The following RBL1 variants were observed in gnomAD, a reference collection of about 807,000 sequenced individuals.
RBL1 encodes retinoblastoma-like protein 1.
RBL1 carries 82 observed loss-of-function variants against 123.0 expected under a neutral mutation model. The ratio of observed to expected loss-of-function variants is 0.67; its 90% CI spans 0.56 to 0.80. The LOEUF (loss-of-function observed/expected upper bound fraction) is 0.80. RBL1 is among the 30% of genes least tolerant of loss of function. RBL1 has a pLI of 0.00. For synonymous variants in RBL1, 405 were observed against 441.3 expected, an observed-to-expected ratio of 0.92 and a Z score of 1.03; for missense variants, 1,171 against 1,299.6, an observed-to-expected ratio of 0.90 and a Z score of 1.52.
At position 37,026,353 on chromosome 20, in the gene RBL1, A is replaced by G. The variant is rs533053162; in HGVS notation, c.2383-3527T>C. On this transcript the variant is annotated intron_variant, in intron 16 of 21. Coordinates refer to ENST00000373664, the MANE Select transcript of RBL1 (RefSeq NM_002895.5). ...AAGTGACAAAAGAATGGAGAAAAAC[A>G]TGATTGAGGAAGAGTATAAATTAAA... Among the ~76,000 whole-genome samples, 9 of 152,318 alleles carry G rather than the reference A, an allele frequency of 5.9e-5. No individual in the cohort carries two copies. The South Asian group carries it at 1.9e-3, about 32-fold the overall frequency.
chr20:37,007,715 C>A (rs1381706441), intron 19 of RBL1, among the ~76,000 whole-genome samples, 156 bp from the exon 20 acceptor site: 1 of 152,168 alleles, frequency 6.6e-6, no homozygotes, highest in African/African-American at 2.4e-5. Context: ...ATCTCAGCCT[C>A]CTGAGTAGCT....
chr20:37,036,929 A>G (rs2064624136), intron 14 of RBL1, among the ~76,000 whole-genome samples: 2 of 152,218 alleles, frequency 1.3e-5, no homozygotes, highest in Admixed American at 6.5e-5. Flanking sequence ...CTGGCCCTGT[A>G]ATCTATTTTC....
chr20:37,032,622 A>T (rs749645801), intron 16 of RBL1, 43 bp downstream of exon 16: 7 of 1,603,594 alleles, frequency 4.4e-6, no homozygotes, highest in Admixed American at 1.7e-5. Context: ...TCTTTCTTCC[A>T]TTGATTAAAC....
Position 37,095,746 on chromosome 20 carries a change from C to G in RBL1, c.156+27G>C, listed in dbSNP as rs753039247. On this transcript the variant is annotated intron_variant, in intron 1 of 21. Transcript: ENST00000373664. ...GGGTGGGGCCTGGCGAGGGTAGGGT[C>G]CGGCCGCCCCACCTGCTGCCGCTCA... 5 of 1,557,960 alleles carry G rather than the reference C, an allele frequency of 3.2e-6. No individual in the cohort carries two copies. In the East Asian group the frequency reaches 1.2e-4, roughly 36 times the overall value.
At chr20:37,019,618 C>T (rs941649351) in intron 18 of RBL1, among the ~76,000 whole-genome samples, 15 of 152,126 alleles carry the variant, frequency 9.9e-5, no homozygotes, top group South Asian at 2.1e-4. Context: ...ACAAAGCTCT[C>T]TTAGAAGGGG....
intron 21 of RBL1, among the ~76,000 whole-genome samples, chr20:37,000,956 C>T (rs2063966588): frequency 6.9e-6 from 1 of 144,136 alleles, no homozygotes; most frequent in South Asian, 2.2e-4. Context: ...GGCGCCTCTG[C>T]CCGGCCGCCC....
intron 7 of RBL1, among the ~76,000 whole-genome samples, chr20:37,064,921 C>T (rs572419597): frequency 1.1e-4 from 16 of 151,526 alleles, no homozygotes; most frequent in Admixed American, 3.3e-4. Flanking sequence ...CCACCATGCC[C>T]GGCCTCTTTC....
intron 11 of RBL1, among the ~76,000 whole-genome samples, chr20:37,054,440 C>T (rs183872193): frequency 2.2e-3 from 333 of 151,238 alleles, no homozygotes; most frequent in African/African-American, 7.6e-3. Context: ...GCCAAGATCG[C>T]GCCACTGCAC....
chr20:37,093,697 A>G (rs1416424361), intron 1 of RBL1, among the ~76,000 whole-genome samples: 1 of 148,498 alleles, frequency 6.7e-6, no homozygotes, highest in Non-Finnish European at 1.5e-5. Flanking sequence ...GGTGGAGTGC[A>G]ATGGCGTGAT....
At chr20:37,004,733 A>AG in intron 20 of RBL1, among the ~76,000 whole-genome samples, 1 of 148,158 alleles carries the variant, frequency 6.7e-6, no homozygotes, top group East Asian at 2.0e-4. Flanking sequence ...AAAAAAAAAA[A>AG]AAAGAATTCT....
intron 21 of RBL1, among the ~76,000 whole-genome samples, chr20:37,000,251 C>G (rs1320874786): frequency 6.7e-6 from 1 of 149,376 alleles, no homozygotes; most frequent in Non-Finnish European, 1.5e-5. Context: ...AGCCCCTCCG[C>G]CCGGCAGCCA....
At chr20:37,005,890 C>CTTTTTTTTTTTTTT (rs1568814331) in intron 20 of RBL1, among the ~76,000 whole-genome samples, 2 of 102,264 alleles carry the variant, frequency 2.0e-5, no homozygotes, top group Admixed American at 1.0e-4. Flanking sequence ...TTTTTTTTTT[C>CTTTTTTTTTTTTTT]TTTCTTTTTT....
intron 21 of RBL1, among the ~76,000 whole-genome samples, chr20:37,000,886 A>C (rs1406392763): frequency 2.6e-5 from 3 of 115,526 alleles, no homozygotes; most frequent in African/African-American, 6.6e-5. Flanking sequence ...CGCCCCGTCC[A>C]GGAGGGAGGT....
At chr20:37,024,529 T>C (rs973359128) in intron 16 of RBL1, among the ~76,000 whole-genome samples, 12 of 152,210 alleles carry the variant, frequency 7.9e-5, no homozygotes, top group African/African-American at 2.9e-4. Flanking sequence ...TATTTAGGCA[T>C]AGAACACCAG....
At chr20:37,085,000 A>G (rs1428110215) in intron 2 of RBL1, among the ~76,000 whole-genome samples, 1 of 152,154 alleles carries the variant, frequency 6.6e-6, no homozygotes, top group African/African-American at 2.4e-5. Context: ...TCCTGACCCC[A>G]GGTGATCCGC....
chr20:37,012,072 C>T (rs888579927), intron 19 of RBL1, among the ~76,000 whole-genome samples: 22 of 152,232 alleles, frequency 1.4e-4, no homozygotes, highest in African/African-American at 4.8e-4. Context: ...GCTGTGTTGG[C>T]TGGGCCGGTC....
At chr20:37,068,319 C>T (rs2065216702) in intron 2 of RBL1, 133 bp from the exon 3 acceptor site, 1 of 1,303,422 alleles carries the variant, frequency 7.7e-7, no homozygotes, top group Non-Finnish European at 1.0e-6. Context: ...AGTTAAGACC[C>T]CATCTCTACA....
intron 21 of RBL1, 36 bp from the exon 22 acceptor site, chr20:36,998,965 G>A: frequency 1.3e-6 from 2 of 1,551,220 alleles, no homozygotes; most frequent in Non-Finnish European, 1.7e-6. Flanking sequence ...GAGTAAAAGA[G>A]GGAGAGGGGA....
At position 37,040,158 on chromosome 20, in the gene RBL1, C is replaced by G. The variant is rs923766823; in HGVS notation, c.1898G>C (p.Arg633Pro). The G allele has an allele frequency of 1.9e-6, 3 of 1,613,132 alleles. No individual in the cohort carries two copies. The highest frequency in any genetic ancestry group is 1.7e-5 in the Admixed American group (1 of 59,820). Reference protein sequence around the residue: ...KEVRTDSGSLRRDMQPLSPIS... With the variant: ...KEVRTDSGSLPRDMQPLSPIS... ...TTTACCAATGTTGAACCTACCTCTT[C>G]GAAGACTCCCACTGTCAGTTCGAAC... Residue 633 changes from arginine to proline, a missense_variant, in exon 14 of 22, where the codon CGA becomes CCA. Physicochemically the swap from Arg to Pro is moderately radical, Grantham distance 103 (BLOSUM62 -2). Transcript: ENST00000373664.
Sources: allele counts gnomAD v4.1 joint callset (sites outside exome capture counted in the v4.1 genomes callset), GRCh38; gene constraint gnomAD v4.1.1; transcripts MANE v1.5; gene names NCBI Gene and HGNC (gene_info 2026-07-23, HGNC 2026-07-21).